The following CYP3A43 variants were observed in gnomAD, a reference collection of about 807,000 sequenced individuals.
CYP3A43 encodes the protein cytochrome P450 family 3 subfamily A member 43.
A neutral mutation model predicts 58.0 loss-of-function variants in CYP3A43; 45 were observed. The ratio of observed to expected loss-of-function variants is 0.78; its 90% CI spans 0.61 to 0.99. The LOEUF (loss-of-function observed/expected upper bound fraction) is 0.99. Among genes scored for constraint, CYP3A43 ranks in the 50% least tolerant of loss-of-function variants. The pLI is 0.00. For synonymous variants in CYP3A43, 191 were observed against 201.4 expected, an observed-to-expected ratio of 0.95 and a Z score of 0.44; for missense variants, 593 against 591.9, an observed-to-expected ratio of 1.00 and a Z score of -0.02.
intron 2 of CYP3A43, 105 bp from the exon 3 acceptor site, chr7:99,839,015 G>A (rs1199885869): frequency 7.6e-7 from 1 of 1,309,606 alleles, no homozygotes; most frequent in African/African-American, 1.5e-5. Context: ...ATGGTAGCAA[G>A]CCTAATGGTA....
intron 1 of CYP3A43, among the ~76,000 whole-genome samples, chr7:99,830,330 C>T (rs749130286): frequency 1.3e-5 from 2 of 152,050 alleles, no homozygotes; most frequent in Non-Finnish European, 2.9e-5. Context: ...CCAGCCTGGT[C>T]AACATGATGA....
intron 4 of CYP3A43, among the ~76,000 whole-genome samples, chr7:99,845,832 G>C (rs548576002): frequency 1.3e-5 from 2 of 151,730 alleles, no homozygotes; most frequent in South Asian, 4.2e-4. Flanking sequence ...CTGGAGTGCA[G>C]TGGCATGATC....
chr7:99,844,026 G>A (rs1269869787), intron 3 of CYP3A43, 117 bp from the exon 4 acceptor site: 8 of 758,774 alleles, frequency 1.1e-5, no homozygotes, highest in East Asian at 2.7e-5. Flanking sequence ...GCTGTGTATT[G>A]CACAACTGCA....
Position 99,828,204 on chromosome 7 carries a change from C to T in CYP3A43, c.71+18C>T. 1 of 1,569,492 alleles carries T rather than the reference C, an allele frequency of 6.4e-7. No individual in the cohort carries two copies. Among genetic ancestry groups the T allele is most frequent in the Non-Finnish European group, 8.7e-7 (1 of 1,152,908 alleles). ...CTCTATATGTGAGTAACTATGCAGG[C>T]ATGTTTGCTCTTAACTCTAAGACCT... is the stretch of plus-strand genomic sequence containing the variant. On this transcript the variant is annotated intron_variant, in intron 1 of 12. Coordinates refer to ENST00000354829, the MANE Select transcript of CYP3A43 (RefSeq NM_057095.3).
At chr7:99,839,958 C>CT (rs1461282411) in intron 3 of CYP3A43, among the ~76,000 whole-genome samples, 8 of 152,114 alleles carry the variant, frequency 5.3e-5, no homozygotes, top group South Asian at 2.1e-4. Context: ...ATGTTGCCTG[C>CT]TTTTTTTACT....
At chr7:99,835,328 G>C (rs748898798) in intron 1 of CYP3A43, among the ~76,000 whole-genome samples, 1 of 152,132 alleles carries the variant, frequency 6.6e-6, no homozygotes, top group Non-Finnish European at 1.5e-5. Context: ...TTACAGTCTG[G>C]GCATCCGATT....
intron 7 of CYP3A43, among the ~76,000 whole-genome samples, chr7:99,852,278 C>T (rs1817791717): frequency 6.6e-6 from 1 of 152,214 alleles, no homozygotes; most frequent in Non-Finnish European, 1.5e-5. Flanking sequence ...TCTGGCTACT[C>T]TGCATCCCTT....
At chr7:99,837,841 C>T (rs550799109) in intron 2 of CYP3A43, among the ~76,000 whole-genome samples, 3 of 152,312 alleles carry the variant, frequency 2.0e-5, no homozygotes, top group South Asian at 4.2e-4. Flanking sequence ...GTCACAAGTG[C>T]GTGTCCACAT....
At chr7:99,829,066 A>G (rs571357210) in intron 1 of CYP3A43, among the ~76,000 whole-genome samples, 1 of 152,192 alleles carries the variant, frequency 6.6e-6, no homozygotes, top group South Asian at 2.1e-4. Flanking sequence ...TTTTTAGCTT[A>G]CAATGCTATT....
At chr7:99,857,699 C>T (rs1036914811) in intron 9 of CYP3A43, among the ~76,000 whole-genome samples, 4 of 151,772 alleles carry the variant, frequency 2.6e-5, no homozygotes, top group African/African-American at 4.8e-5. Flanking sequence ...AAAAACTAGC[C>T]GGGTGTGGTG....
At chr7:99,844,029 C>T in intron 3 of CYP3A43, 114 bp from the exon 4 acceptor site, 1 of 787,080 alleles carries the variant, frequency 1.3e-6, no homozygotes, top group Non-Finnish European at 2.0e-6. Flanking sequence ...GTGTATTGCA[C>T]AACTGCAAGT....
intron 2 of CYP3A43, among the ~76,000 whole-genome samples, chr7:99,837,411 T>C (rs987681356): frequency 2.0e-5 from 3 of 152,140 alleles, no homozygotes; most frequent in Admixed American, 1.3e-4. Context: ...CATACTTGAA[T>C]TCTCTCAAGA....
intron 7 of CYP3A43, among the ~76,000 whole-genome samples, chr7:99,852,266 G>C (rs1817791197): frequency 6.6e-6 from 1 of 152,150 alleles, no homozygotes; most frequent in Non-Finnish European, 1.5e-5. Context: ...TTTCAACATT[G>C]TTCTGGCTAC....
In CYP3A43 at chr7:99,865,933, A is replaced by G. The variant is rs540214188; in HGVS notation, c.1444A>G (p.Ile482Val). The change falls in exon 13 of 13, where the codon ATT becomes GTT. Residue 482 changes from isoleucine to valine, a missense_variant. Transcript: ENST00000354829. The stretch of plus-strand genomic sequence containing the variant: ...CCCACTGAAATTAGACAATCTACCA[A>G]TTCTTCAACCAGAAAAACCTATTGT... ...QIPLKLDNLPILQPEKPIVLK... is the reference protein window; with the variant it reads ...QIPLKLDNLPVLQPEKPIVLK... The G allele has an allele frequency of 1.2e-4, 190 of 1,564,784 alleles. No individual in the cohort carries two copies. The highest frequency in any genetic ancestry group is 1.6e-4 in the Non-Finnish European group (187 of 1,172,470).
In CYP3A43 at chr7:99,866,067, G is replaced by A; in HGVS notation, c.*66G>A. On this transcript the variant is annotated 3_prime_UTR_variant, in exon 13 of 13. Transcript: ENST00000354829. Reference sequence around the variant, plus strand: ...CCCAGAACACTAGACACTTCAAATTGTTTTGTGAATAAAACTCAGAAATGA... The same window carrying A: ...CCCAGAACACTAGACACTTCAAATTATTTTGTGAATAAAACTCAGAAATGA... 1.0e-6 allele frequency: 1 copy of A among 1,004,048 alleles called. No individual in the cohort carries two copies. The highest frequency in any genetic ancestry group is 1.5e-6 in the Non-Finnish European group (1 of 683,520). The allele number at this position is 1,004,048 out of a possible 1,614,324, so 62.2% of individuals were successfully genotyped here.
At chr7:99,847,692 A>G (rs1817589531) in intron 5 of CYP3A43, 91 bp downstream of exon 5, 2 of 1,573,194 alleles carry the variant, frequency 1.3e-6, no homozygotes, top group Non-Finnish European at 8.6e-7. Flanking sequence ...TCTAATGGGT[A>G]GTCCACTGAG....
Position 99,861,647 on chromosome 7 carries a change from A to G in CYP3A43, c.1061A>G (p.Glu354Gly). 1 of 1,614,178 alleles carries G rather than the reference A, an allele frequency of 6.2e-7. No homozygotes were observed. The highest frequency in any genetic ancestry group is 1.7e-5 in the Admixed American group (1 of 60,028). ...ACCTACGATGCCCTGGTACAGATGG[A>G]GTACCTTGACATGGTGGTGAATGAA... ...PVTYDALVQMEYLDMVVNETL... is the reference protein window; with the variant it reads ...PVTYDALVQMGYLDMVVNETL... Residue 354 changes from glutamate to glycine, a missense_variant, in exon 11 of 13, where the codon GAG (glutamate) becomes GGG (glycine). Coordinates refer to ENST00000354829, the MANE Select transcript of CYP3A43 (RefSeq NM_057095.3).
intron 10 of CYP3A43, 70 bp from the exon 11 acceptor site, chr7:99,861,543 G>A: frequency 7.5e-7 from 1 of 1,338,360 alleles, no homozygotes. Context: ...CACTTCAATA[G>A]TACTGCATGG....
chr7:99,848,821 G>A (rs561839825), intron 6 of CYP3A43, among the ~76,000 whole-genome samples: 3 of 152,364 alleles, frequency 2.0e-5, no homozygotes, highest in Admixed American at 2.0e-4. Flanking sequence ...GAACTGGAAT[G>A]TAATTTGAAT....
Sources: gnomAD v4.1 joint callset for allele counts (sites outside exome capture counted in the v4.1 genomes callset) on GRCh38, gnomAD v4.1.1 for gene constraint, MANE v1.5 for transcripts, NCBI Gene and HGNC (gene_info 2026-07-23, HGNC 2026-07-21) for gene names.